Variants in PDE1A observed in about 807,000 individuals in gnomAD.
The protein encoded by PDE1A is dual specificity calcium/calmodulin-dependent 3',5'-cyclic nucleotide phosphodiesterase 1A.
Under a neutral mutation model 61.7 loss-of-function variants are expected in PDE1A, and 35 were observed. The ratio of observed to expected loss-of-function variants is 0.57; its 90% CI spans 0.43 to 0.75. The LOEUF (loss-of-function observed/expected upper bound fraction) is 0.75. Ranked by LOEUF, PDE1A falls within the 30% of genes least tolerant of loss-of-function variation. PDE1A has a pLI of 0.00. For missense variants in PDE1A, 597 were observed against 630.6 expected (o/e 0.95, Z 0.57); for synonymous variants, 232 against 213.2 (o/e 1.09, Z -0.77).
intron 1 of PDE1A, among the ~76,000 whole-genome samples, chr2:182,383,471 A>G (rs1700848362): frequency 6.6e-6 from 1 of 152,212 alleles, no homozygotes; most frequent in South Asian, 2.1e-4. Context: ...CTGAATATTT[A>G]TAAATATGAA....
At chr2:182,186,528 A>C (rs1457053963) in exon 12 of PDE1A, 1 of 1,613,046 alleles carries the variant, frequency 6.2e-7, no homozygotes. Context: ...AGGAATAACA[A>C]TTTTCTCTGT....
chr2:182,414,211 A>G (rs1047137430), intron 1 of PDE1A, among the ~76,000 whole-genome samples: 4 of 152,266 alleles, frequency 2.6e-5, no homozygotes, highest in Non-Finnish European at 5.9e-5. Flanking sequence ...AATGAATGGA[A>G]GGAAGAGACT....
rs534210161 is a variant in PDE1A at position 182,377,121 on chromosome 2, A to T, written c.53+49457T>A. Among the ~76,000 whole-genome samples, 23 of 152,284 alleles carry T rather than the reference A, an allele frequency of 1.5e-4. No individual in the cohort carries two copies. The East Asian group carries it at 4.2e-3, about 28-fold the overall frequency. On this transcript the variant is annotated intron_variant, in intron 1 of 13. Transcript: ENST00000351439. ...AAAAAATTATGAAAATGATATTGACATGCTTTGGATATTTGTCCCTGCCCA... is the reference window on the plus strand; with the variant it reads ...AAAAAATTATGAAAATGATATTGACTTGCTTTGGATATTTGTCCCTGCCCA...
chr2:182,610,208 C>G, the PDE1A span, among the ~76,000 whole-genome samples: 2 of 152,150 alleles, frequency 1.3e-5, no homozygotes, highest in Non-Finnish European at 1.5e-5. Flanking sequence ...TTGTCCAATC[C>G]TATTTCTATA....
the PDE1A span, among the ~76,000 whole-genome samples, chr2:182,563,649 A>G: frequency 1.4e-4 from 22 of 152,262 alleles, no homozygotes; most frequent in African/African-American, 5.3e-4. Flanking sequence ...TAATGTTGAC[A>G]GTGGGGTGTT....
chr2:182,453,873 T>A (rs1685704413), intron 2 of PDE1A, among the ~76,000 whole-genome samples: 2 of 152,016 alleles, frequency 1.3e-5, no homozygotes, highest in African/African-American at 4.8e-5. Context: ...AGGGATGCCC[T>A]CTCTCACCAC....
chr2:182,604,486 A>G, the PDE1A span, among the ~76,000 whole-genome samples: 1 of 152,234 alleles, frequency 6.6e-6, no homozygotes, highest in East Asian at 1.9e-4. Context: ...AGTACTTCCC[A>G]TGAAGAACTA....
At chr2:182,646,875 A>T in the PDE1A span, among the ~76,000 whole-genome samples, 4 of 152,228 alleles carry the variant, frequency 2.6e-5, no homozygotes, top group African/African-American at 9.7e-5. Flanking sequence ...AGATGGTGTC[A>T]AGAAAAAGCA....
At chr2:182,217,491 A>T (rs1443687603) in intron 7 of PDE1A, among the ~76,000 whole-genome samples, 1 of 136,110 alleles carries the variant, frequency 7.3e-6, no homozygotes, top group Admixed American at 7.6e-5. Context: ...AACCTACAAA[A>T]TGGGAGAAAA....
intron 7 of PDE1A, among the ~76,000 whole-genome samples, chr2:182,215,853 A>G (rs1268980109): frequency 1.1e-5 from 1 of 94,720 alleles, no homozygotes; most frequent in African/African-American, 4.4e-5. Context: ...AGGAACTGGT[A>G]CCATTCCTTC....
intron 6 of PDE1A, among the ~76,000 whole-genome samples, chr2:182,229,490 G>A (rs16822899): frequency 0.045 from 6,814 of 152,078 alleles, 473 homozygotes; most frequent in African/African-American, 0.15. Context: ...TCACTGAATC[G>A]TTTAGTCACC....
At chr2:182,407,773 G>A (rs1404013447) in intron 1 of PDE1A, among the ~76,000 whole-genome samples, 1 of 152,132 alleles carries the variant, frequency 6.6e-6, no homozygotes, top group Non-Finnish European at 1.5e-5. Flanking sequence ...GCAAATGTAT[G>A]TAGCTAAGTC....
At chr2:182,668,874 G>A in the PDE1A span, among the ~76,000 whole-genome samples, 7 of 152,234 alleles carry the variant, frequency 4.6e-5, no homozygotes, top group East Asian at 1.9e-4. Flanking sequence ...CGTGCGAGCC[G>A]GTGGCAGCAG....
At chr2:182,715,419 C>T in the PDE1A span, among the ~76,000 whole-genome samples, 8 of 152,278 alleles carry the variant, frequency 5.3e-5, no homozygotes, top group African/African-American at 1.9e-4. Flanking sequence ...AGCCATAGAT[C>T]CTGTGTAGTT....
the PDE1A span, among the ~76,000 whole-genome samples, chr2:182,695,262 A>C: frequency 6.6e-6 from 1 of 152,162 alleles, no homozygotes; most frequent in Non-Finnish European, 1.5e-5. Flanking sequence ...GAGAGGTCAG[A>C]GGGCAAACCA....
chr2:182,494,814 G>A (rs1688610343), intron 2 of PDE1A, among the ~76,000 whole-genome samples: 1 of 152,076 alleles, frequency 6.6e-6, no homozygotes. Context: ...AAGGAATTAG[G>A]AGAAACAGCA....
the PDE1A span, among the ~76,000 whole-genome samples, chr2:182,622,472 A>G: frequency 3.9e-5 from 6 of 152,348 alleles, no homozygotes; most frequent in East Asian, 1.2e-3. Context: ...ACTATCCTGA[A>G]GTAAGTTCTT....
At chr2:182,592,044 A>C in the PDE1A span, among the ~76,000 whole-genome samples, 2 of 152,188 alleles carry the variant, frequency 1.3e-5, no homozygotes, top group Non-Finnish European at 2.9e-5. Flanking sequence ...ATGCCTGATT[A>C]GAGTATTTCA....
chr2:182,655,312 T>C, the PDE1A span, among the ~76,000 whole-genome samples: 10 of 152,262 alleles, frequency 6.6e-5, no homozygotes, highest in Non-Finnish European at 1.5e-4. Flanking sequence ...CTAACTAGCT[T>C]CAAAGAGCCA....
Sources: gnomAD v4.1 joint callset for allele counts (sites outside exome capture counted in the v4.1 genomes callset) on GRCh38, gnomAD v4.1.1 for gene constraint, MANE v1.5 for transcripts, NCBI Gene and HGNC (gene_info 2026-07-23, HGNC 2026-07-21) for gene names.